Variants in WRNIP1 observed in about 807,000 individuals in gnomAD.
WRNIP1 encodes the protein WRN helicase interacting protein 1.
Under a neutral mutation model 56.1 loss-of-function variants are expected in WRNIP1, and 41 were observed. The observed-to-expected ratio is 0.73, with a 90% CI of 0.57 to 0.95. The LOEUF (loss-of-function observed/expected upper bound fraction) is 0.95, where lower values mean the gene tolerates loss of function less well. Ranked by LOEUF, WRNIP1 falls within the 40% of genes least tolerant of loss-of-function variation. The probability of loss-of-function intolerance (pLI) is 0.00; values close to 1 mark genes in which losing one functional copy is unlikely to be tolerated. For synonymous variants in WRNIP1, 547 were observed against 398.1 expected, an observed-to-expected ratio of 1.37 and a Z score of -4.45; for missense variants, 1,170 against 939.4, an observed-to-expected ratio of 1.25 and a Z score of -3.21.
chr6:2,774,049 C>G (rs961757283), intron 3 of WRNIP1: 13 of 985,218 alleles, frequency 1.3e-5, no homozygotes, highest in South Asian at 4.7e-5. Context: ...CTTAAATAAC[C>G]TTTTGTGCCA....
rs543732364 is a variant in WRNIP1 at position 2,785,976 on chromosome 6, A to G, written c.*694A>G. 1 of 152,356 alleles carries G rather than the reference A, an allele frequency of 6.6e-6. No individual in the cohort carries two copies. The highest frequency in any genetic ancestry group is 6.5e-5 in the Admixed American group (1 of 15,292). 9.4% of individuals were successfully genotyped at this position (152,356 alleles called of 1,614,324 possible). The stretch of plus-strand genomic sequence containing the variant: ...GGAAGACTCCAGTAGTCCCATGCCC[A>G]TTTTTTCCCACTTGTCCTGGTTTCT... On this transcript the variant is annotated 3_prime_UTR_variant, in exon 7 of 7. Coordinates refer to ENST00000380773, the MANE Select transcript of WRNIP1 (RefSeq NM_020135.3).
intron 4 of WRNIP1, among the ~76,000 whole-genome samples, chr6:2,782,437 C>T (rs1205828173): frequency 6.6e-6 from 1 of 152,250 alleles, no homozygotes; most frequent in Admixed American, 6.5e-5. Flanking sequence ...CTCTTCTCCA[C>T]CTGAAGACCA....
In WRNIP1 at chr6:2,770,247, C is replaced by A; in HGVS notation, c.1142C>A (p.Pro381Gln). ...CGAGTGATTGTTCTTGAGAAGCTTC[C>A]AGTAGAGGCAATGGTGACTATTTTA... ...RCRVIVLEKL[P>Q]VEAMVTILMR... Residue 381 changes from proline (P) to glutamine (Q), a missense_variant, in exon 3 of 7, where the codon CCA becomes CAA. Coordinates refer to ENST00000380773, the MANE Select transcript of WRNIP1 (RefSeq NM_020135.3). The A allele has an allele frequency of 6.2e-7, 1 of 1,614,174 alleles. No individual in the cohort carries two copies. The highest frequency in any genetic ancestry group is 8.5e-7 in the Non-Finnish European group (1 of 1,180,036).
In WRNIP1 at chr6:2,766,461, C is replaced by T. The variant is rs765667127; in HGVS notation, c.822+17C>T. The stretch of plus-strand genomic sequence containing the variant: ...TGCGGCAAGGTGAGTGCGGCCTTGG[C>T]CGTTGGGCTTCCGTAGTTATCTCGG... On this transcript the variant is annotated intron_variant, in intron 1 of 6. Transcript: ENST00000380773. 2 of 1,500,304 alleles carry T rather than the reference C, an allele frequency of 1.3e-6. No homozygotes were observed. Among genetic ancestry groups the T allele is most frequent in the South Asian group, 1.3e-5 (1 of 78,512 alleles). The allele number at this position is 1,500,304 out of a possible 1,614,324, so 92.9% of individuals were successfully genotyped here.
In WRNIP1 at chr6:2,765,705, C is replaced by A. The variant is rs749206583; in HGVS notation, c.83C>A (p.Pro28His). 2 of 1,546,510 alleles carry A rather than the reference C, an allele frequency of 1.3e-6. No individual in the cohort carries two copies. Among genetic ancestry groups the A allele is most frequent in the African/African-American group, 1.4e-5 (1 of 70,382 alleles). The change falls in exon 1 of 7, where the codon CCC (proline) becomes CAC (histidine). Residue 28 changes from proline to histidine, a missense_variant. By Grantham distance (77) the Pro-to-His change is moderately conservative. Coordinates refer to ENST00000380773, the MANE Select transcript of WRNIP1 (RefSeq NM_020135.3). ...VQCPVCQQMMPAAHINSHLDR... is the reference protein window; with the variant it reads ...VQCPVCQQMMHAAHINSHLDR... ...TGCCCCGTGTGCCAGCAGATGATGC[C>A]CGCCGCGCACATCAACTCGCACCTG...
Position 2,783,518 on chromosome 6 carries a change from C to G in WRNIP1, c.1599C>G (p.Leu533=). ...ARMLEGGEDP[L]YVARRLVRFA... ...TGCTCGAGGGAGGAGAGGACCCACT[C>G]TACGTGGCACGGAGGCTTGTCAGGT... Residue 533 remains leucine (L), a synonymous_variant, in exon 5 of 7, where the codon CTC becomes CTG. Transcript: ENST00000380773. The G allele has an allele frequency of 8.1e-6, 13 of 1,613,384 alleles. No individual in the cohort carries two copies. Among genetic ancestry groups the G allele is most frequent in the Non-Finnish European group, 1.1e-5 (13 of 1,179,826 alleles).
intron 3 of WRNIP1, among the ~76,000 whole-genome samples, chr6:2,777,717 G>A (rs1046954855): frequency 2.0e-5 from 3 of 152,182 alleles, no homozygotes; most frequent in Non-Finnish European, 4.4e-5. Context: ...TCATCTTCCA[G>A]AAGACTTGCT....
chr6:2,766,986 A>G (rs1312265512), intron 1 of WRNIP1, among the ~76,000 whole-genome samples: 1 of 152,250 alleles, frequency 6.6e-6, no homozygotes, highest in Non-Finnish European at 1.5e-5. Context: ...TCTTGAGAAT[A>G]TATTGATTTT....
Position 2,765,842 on chromosome 6 carries a change from C to A in WRNIP1, c.220C>A (p.Leu74Met). The change falls in exon 1 of 7, where the codon CTG becomes ATG. Residue 74 changes from leucine (L) to methionine (M), a missense_variant. Coordinates refer to ENST00000380773, the MANE Select transcript of WRNIP1 (RefSeq NM_020135.3). ...PSPPGAKRRR[L>M]SESSALKQPA... Reference sequence around the variant, plus strand: ...GCCGCCCGGCGCCAAGAGGCGGCGGCTGTCGGAGAGCTCGGCGCTGAAGCA... The same window carrying A: ...GCCGCCCGGCGCCAAGAGGCGGCGGATGTCGGAGAGCTCGGCGCTGAAGCA... The A allele has an allele frequency of 7.2e-7, 1 of 1,396,338 alleles. No individual in the cohort carries two copies. The highest frequency in any genetic ancestry group is 1.5e-5 in the African/African-American group (1 of 66,730). The allele number at this position is 1,396,338 out of a possible 1,614,324, so 86.5% of individuals were successfully genotyped here.
rs1249316298 is a variant in WRNIP1, at chr6:2,770,369, G to A, written c.1256+8G>A. 1.2e-6 allele frequency: 2 copies of A among 1,613,970 alleles called. No individual in the cohort carries two copies. The highest frequency in any genetic ancestry group is 1.1e-5 in the South Asian group (1 of 91,024). ...CAGCAACAGCAGCTCAGAGTAAGTTGACAGTGTGCAGCGTCCTGGGGGCAC... is the reference window on the plus strand; with the variant it reads ...CAGCAACAGCAGCTCAGAGTAAGTTAACAGTGTGCAGCGTCCTGGGGGCAC... On this transcript the variant is annotated splice_region_variant and intron_variant, in intron 3 of 6. Coordinates refer to ENST00000380773, the MANE Select transcript of WRNIP1 (RefSeq NM_020135.3).
At chr6:2,782,860 C>T (rs1391404123) in intron 4 of WRNIP1, among the ~76,000 whole-genome samples, 1 of 152,186 alleles carries the variant, frequency 6.6e-6, no homozygotes, top group African/African-American at 2.4e-5. Context: ...TGGGACCCTG[C>T]CACACAGGTG....
chr6:2,774,751 A>G (rs1167958519), intron 3 of WRNIP1, among the ~76,000 whole-genome samples: 2 of 152,364 alleles, frequency 1.3e-5, no homozygotes, highest in Middle Eastern at 3.4e-3. Flanking sequence ...AGACGTCGTC[A>G]TCTGAAATGT....
rs765839203 is a variant in WRNIP1, at chr6:2,779,296, C to T, written c.1290C>T (p.Asp430=). 7 of 1,614,188 alleles carry T rather than the reference C, an allele frequency of 4.3e-6. No individual in the cohort carries two copies. Among genetic ancestry groups the T allele is most frequent in the Non-Finnish European group, 5.9e-6 (7 of 1,180,040 alleles). ...TGTTCATAGAGGATAAAGCAGTAGA[C>T]ACCCTGGCTTACCTCAGTGACGGTG... ...PAMFIEDKAV[D]TLAYLSDGDA... is the part of the protein sequence containing the mutation. Residue 430 remains aspartate, a synonymous_variant, in exon 4 of 7, where the codon GAC becomes GAT. Coordinates refer to ENST00000380773, the MANE Select transcript of WRNIP1 (RefSeq NM_020135.3).
At chr6:2,784,915 CAG>C in intron 6 of WRNIP1, 90 bp from the exon 7 acceptor site, 1 of 1,486,064 alleles carries the variant, frequency 6.7e-7, no homozygotes, top group Non-Finnish European at 9.1e-7. Context: ...GGGATCTTCT[CAG>C]AATTACCTAG....
At chr6:2,781,453 C>T (rs934202284) in intron 4 of WRNIP1, among the ~76,000 whole-genome samples, 2 of 152,184 alleles carry the variant, frequency 1.3e-5, no homozygotes, top group Non-Finnish European at 2.9e-5. Context: ...AGGCTTTGCT[C>T]TATAAATAGG....
In WRNIP1 at chr6:2,783,514, C is replaced by G. The variant is rs944900259; in HGVS notation, c.1595C>G (p.Pro532Arg). ...LARMLEGGED[P>R]LYVARRLVRF... ...CGCATGCTCGAGGGAGGAGAGGACC[C>G]ACTCTACGTGGCACGGAGGCTTGTC... is the stretch of plus-strand genomic sequence containing the variant. Residue 532 changes from proline to arginine, a missense_variant, in exon 5 of 7, where the codon CCA becomes CGA. Transcript: ENST00000380773. The G allele has an allele frequency of 6.2e-7, 1 of 1,613,740 alleles. No individual in the cohort carries two copies. The highest frequency in any genetic ancestry group is 8.5e-7 in the Non-Finnish European group (1 of 1,179,956).
At position 2,765,403 on chromosome 6, in the gene WRNIP1, A is replaced by G. The variant is rs922635379; in HGVS notation, c.-220A>G. On this transcript the variant is annotated 5_prime_UTR_variant, in exon 1 of 7. Transcript: ENST00000380773. ...AAACGGCCACGAACTACACTTCCCG[A>G]CACGCCGCGTGAGGCGCTGCCAGCG... 4.8e-6 allele frequency: 2 copies of G among 420,646 alleles called. No individual in the cohort carries two copies. Among genetic ancestry groups the G allele is most frequent in the South Asian group, 2.1e-4 (2 of 9,738 alleles). The allele number at this position is 420,646 out of a possible 1,614,324, so 26.1% of individuals were successfully genotyped here. A position where few individuals can be genotyped will look rare whatever the true frequency, so the allele number is the denominator to read the frequency against.
rs947878799 is a variant in WRNIP1 at position 2,765,399 on chromosome 6, C to T, written c.-224C>T. 1.7e-5 allele frequency: 7 copies of T among 411,072 alleles called. No individual in the cohort carries two copies. In the South Asian group the frequency reaches 5.2e-4, roughly 31 times the overall value. 25.5% of individuals were successfully genotyped at this position (411,072 alleles called of 1,614,324 possible). A position where few individuals can be genotyped will look rare whatever the true frequency, so the allele number is the denominator to read the frequency against. ...GGGCAAACGGCCACGAACTACACTT[C>T]CCGACACGCCGCGTGAGGCGCTGCC... On this transcript the variant is annotated 5_prime_UTR_variant, in exon 1 of 7. Coordinates refer to ENST00000380773, the MANE Select transcript of WRNIP1 (RefSeq NM_020135.3).
In WRNIP1 at chr6:2,766,286, C is replaced by G. The variant is rs753584018; in HGVS notation, c.664C>G (p.Leu222Val). The G allele has an allele frequency of 2.6e-4, 422 of 1,596,762 alleles. No individual in the cohort carries two copies. The highest frequency in any genetic ancestry group is 3.5e-4 in the Non-Finnish European group (407 of 1,173,296). Residue 222 changes from leucine to valine, a missense_variant, in exon 1 of 7, where the codon CTA becomes GTA. Transcript: ENST00000380773. ...GGCTGCCGAGGAGATCCGACAGATG[C>G]TACAGGGCAAGCCGCTGGCCGACAC... ...ALAAEEIRQM[L>V]QGKPLADTMR...
Sources: allele counts gnomAD v4.1 joint callset (sites outside exome capture counted in the v4.1 genomes callset), GRCh38; gene constraint gnomAD v4.1.1; transcripts MANE v1.5; gene names NCBI Gene and HGNC (gene_info 2026-07-23, HGNC 2026-07-21).